PLA2R1: variants seen among roughly 807,000 people sequenced by gnomAD.
PLA2R1 encodes the protein secretory phospholipase A2 receptor.
In PLA2R1, 158 loss-of-function variants were observed where a neutral mutation model predicts 195.9. The observed-to-expected ratio is 0.81, with a 90% CI of 0.71 to 0.92. The LOEUF is 0.92. Among genes scored for constraint, PLA2R1 ranks in the 40% least tolerant of loss-of-function variants. The pLI, the probability that PLA2R1 is intolerant of heterozygous loss-of-function variation, is 0.00. For missense variants in PLA2R1, 1,626 were observed against 1,764.6 expected, an observed-to-expected ratio of 0.92 and a Z score of 1.41; for synonymous variants, 586 against 598.2, an observed-to-expected ratio of 0.98 and a Z score of 0.30.
At chr2:159,999,013 A>G (rs1691414567) in intron 11 of PLA2R1, among the ~76,000 whole-genome samples, 1 of 152,224 alleles carries the variant, frequency 6.6e-6, no homozygotes, top group South Asian at 2.1e-4. Context: ...GGGAAGTAAT[A>G]AAGTCATGAG....
chr2:160,005,925 C>T, intron 10 of PLA2R1, 104 bp from the exon 11 acceptor site: 4 of 745,386 alleles, frequency 5.4e-6, no homozygotes, highest in Non-Finnish European at 9.3e-6. Context: ...GTAAGCATTT[C>T]TCATCAATTC....
chr2:160,054,750 T>G (rs1165549418), intron 1 of PLA2R1, among the ~76,000 whole-genome samples: 1 of 152,242 alleles, frequency 6.6e-6, no homozygotes, highest in East Asian at 1.9e-4. Flanking sequence ...GGTGTTCTTT[T>G]GTTTATTTTA....
At chr2:159,953,371 T>C (rs751824433) in intron 23 of PLA2R1, among the ~76,000 whole-genome samples, 3 of 152,260 alleles carry the variant, frequency 2.0e-5, no homozygotes, top group African/African-American at 4.8e-5. Context: ...AGCACATATG[T>C]ATCTGACAAA....
At chr2:160,036,505 C>T (rs1694171165) in intron 3 of PLA2R1, among the ~76,000 whole-genome samples, 1 of 152,138 alleles carries the variant, frequency 6.6e-6, no homozygotes, top group South Asian at 2.1e-4. Flanking sequence ...TGGCACACTG[C>T]AGTTTCTAAA....
intron 1 of PLA2R1, among the ~76,000 whole-genome samples, chr2:160,059,343 T>G (rs1490036419): frequency 2.0e-5 from 3 of 152,186 alleles, no homozygotes; most frequent in Non-Finnish European, 4.4e-5. Context: ...CCAAGTACAG[T>G]GCTGTGCACC....
intron 3 of PLA2R1, among the ~76,000 whole-genome samples, chr2:160,040,379 T>C (rs1010435710): frequency 2.6e-5 from 4 of 152,134 alleles, no homozygotes; most frequent in Admixed American, 1.3e-4. Context: ...AAGGTCTCCA[T>C]TGCGATTGAC....
intron 18 of PLA2R1, 86 bp from the exon 19 acceptor site, chr2:159,969,445 T>C (rs1689000806): frequency 2.8e-6 from 2 of 710,112 alleles, no homozygotes; most frequent in Non-Finnish European, 2.5e-6. Context: ...GAGGTAGGGA[T>C]TGAAGATATA....
intron 1 of PLA2R1, among the ~76,000 whole-genome samples, chr2:160,060,395 T>C (rs1443926429): frequency 6.6e-6 from 1 of 152,238 alleles, no homozygotes; most frequent in East Asian, 1.9e-4. Context: ...TGTTTTTCCA[T>C]TTTGTATTGA....
chr2:160,053,523 T>C (rs1262665388), intron 1 of PLA2R1, among the ~76,000 whole-genome samples: 2 of 152,174 alleles, frequency 1.3e-5, no homozygotes, highest in African/African-American at 2.4e-5. Flanking sequence ...CTCTGAGCTA[T>C]AACGTGCTTA....
At chr2:159,976,362 A>G (rs1689555873) in intron 16 of PLA2R1, 137 bp from the exon 17 acceptor site, 1 of 624,564 alleles carries the variant, frequency 1.6e-6, no homozygotes, top group African/African-American at 1.9e-5. Context: ...ACACACACAG[A>G]CACATATGCA....
At chr2:160,016,236 C>CAAA (rs1692737375) in intron 9 of PLA2R1, among the ~76,000 whole-genome samples, 1 of 142,366 alleles carries the variant, frequency 7.0e-6, no homozygotes, top group South Asian at 2.2e-4. Context: ...TGCACTCCAG[C>CAAA]CTGGGTGACA....
At chr2:160,043,611 C>T (rs573680847) in intron 2 of PLA2R1, among the ~76,000 whole-genome samples, 120 of 152,284 alleles carry the variant, frequency 7.9e-4, no homozygotes, top group African/African-American at 2.8e-3. Context: ...ATGCCCTTTT[C>T]TTTCAGTCCC....
chr2:159,979,225 G>T (rs1438407541), intron 14 of PLA2R1, among the ~76,000 whole-genome samples: 1 of 151,960 alleles, frequency 6.6e-6, no homozygotes, highest in Non-Finnish European at 1.5e-5. Flanking sequence ...CTGTCATTTT[G>T]AGAAAAATGT....
chr2:159,978,218 G>A (rs1689706464), intron 14 of PLA2R1, among the ~76,000 whole-genome samples: 1 of 152,058 alleles, frequency 6.6e-6, no homozygotes, highest in Non-Finnish European at 1.5e-5. Flanking sequence ...CTTTCCATGA[G>A]TGACCACATA....
chr2:159,953,212 A>C lies in PLA2R1; in HGVS notation c.3302-1634T>G, dbSNP rs528598716. 2.6e-5 allele frequency among the ~76,000 whole-genome samples: 4 copies of C among 152,342 alleles called. No individual in the cohort carries two copies. The East Asian group carries it at 7.7e-4, about 29-fold the overall frequency. The stretch of plus-strand genomic sequence containing the variant: ...TTCAAAACAAGTGATTTTGAGCAGC[A>C]TGGTTTTGCCACCCATTGCCCTGAA... On this transcript the variant is annotated intron_variant, in intron 23 of 29. Transcript: ENST00000283243.
chr2:160,048,634 A>AT, intron 1 of PLA2R1, among the ~76,000 whole-genome samples: 1 of 152,138 alleles, frequency 6.6e-6, no homozygotes, highest in Non-Finnish European at 1.5e-5. Context: ...TAGTTGTTGG[A>AT]TTTTTTAAAA....
At chr2:160,014,871 A>G (rs1207291414) in intron 9 of PLA2R1, among the ~76,000 whole-genome samples, 1 of 152,142 alleles carries the variant, frequency 6.6e-6, no homozygotes, top group African/African-American at 2.4e-5. Flanking sequence ...CCAGGGTAGG[A>G]GCAGGGATAT....
intron 11 of PLA2R1, among the ~76,000 whole-genome samples, chr2:159,998,351 C>T (rs1002554667): frequency 2.0e-5 from 3 of 152,016 alleles, no homozygotes; most frequent in Non-Finnish European, 4.4e-5. Flanking sequence ...AATTACTGTC[C>T]TTATTTTAAA....
At chr2:160,059,549 A>G (rs150319513) in intron 1 of PLA2R1, among the ~76,000 whole-genome samples, 1 of 152,326 alleles carries the variant, frequency 6.6e-6, no homozygotes, top group Non-Finnish European at 1.5e-5. Flanking sequence ...GGTAAATGGC[A>G]TAGTCAGGAT....
Sources: allele counts gnomAD v4.1 joint callset (sites outside exome capture counted in the v4.1 genomes callset), GRCh38; gene constraint gnomAD v4.1.1; transcripts MANE v1.5; gene names NCBI Gene and HGNC (gene_info 2026-07-23, HGNC 2026-07-21).